Variants in LCORL observed in about 807,000 individuals in gnomAD.
The protein encoded by LCORL is ligand-dependent nuclear receptor corepressor-like protein.
A neutral mutation model predicts 141.8 loss-of-function variants in LCORL; 41 were observed. The observed-to-expected ratio is 0.29, with a 90% confidence interval of 0.23 to 0.38. The LOEUF is 0.38. Among genes scored for constraint, LCORL ranks in the 10% least tolerant of loss-of-function variants. The probability of loss-of-function intolerance (pLI) is 1.00; values close to 1 mark genes in which losing one functional copy is unlikely to be tolerated. For synonymous variants in LCORL, 618 were observed against 694.1 expected (o/e 0.89, Z 1.72); for missense variants, 1,759 against 2,035.0 (o/e 0.86, Z 2.61).
rs1553863446 is a variant in LCORL at position 17,897,213 on chromosome 4, C to CCTTTTTTTTTTTTTTTTTTTTTTT, written c.683-11053_683-11052insAAAAAAAAAAAAAAAAAAAAAAAG. 7.7e-4 allele frequency among the ~76,000 whole-genome samples: 49 copies of CCTTTTTTTTTTTTTTTTTTTTTTT among 63,986 alleles called. 24 individuals are homozygous for CCTTTTTTTTTTTTTTTTTTTTTTT. Among genetic ancestry groups the CCTTTTTTTTTTTTTTTTTTTTTTT allele is most frequent in the East Asian group, 2.0e-3 (4 of 2,040 alleles). The allele number at this position is 63,986 out of a possible 152,430, so 42.0% of individuals were successfully genotyped here. ...AGACTTCTCTTTGATATACTGATTT[C>CCTTTTTTTTTTTTTTTTTTTTTTT]TTTTTTTTTTTTTTTTTTTTTTTTT... On this transcript the variant is annotated intron_variant, in intron 5 of 7. Transcript: ENST00000635767.
At chr4:17,870,667 T>C (rs1368029504) in intron 7 of LCORL, among the ~76,000 whole-genome samples, 1 of 152,172 alleles carries the variant, frequency 6.6e-6, no homozygotes, top group Non-Finnish European at 1.5e-5. Flanking sequence ...ACTTAAAAAA[T>C]GAAATACATT....
Position 17,891,117 on chromosome 4 carries a change from CTATAGTGTACT to C in LCORL, c.683-4967_683-4957del, listed in dbSNP as rs1729007670. On this transcript the variant is annotated intron_variant, in intron 5 of 7. Coordinates refer to ENST00000635767, the Ensembl canonical transcript of LCORL. The stretch of plus-strand genomic sequence containing the variant: ...CTAATGTGTTTAAAACTCTATTTTT[CTATAGTGTACT>C]TAAAGTGTGCGAAGCATTTGCTACA... 9.2e-5 allele frequency among the ~76,000 whole-genome samples: 14 copies of C among 152,202 alleles called. No homozygotes were observed. In the South Asian group the frequency reaches 2.9e-3, roughly 32 times the overall value.
intron 1 of LCORL, among the ~76,000 whole-genome samples, chr4:17,991,381 C>T (rs572123595): frequency 6.6e-6 from 1 of 152,302 alleles, no homozygotes; most frequent in Admixed American, 6.5e-5. Context: ...TAAATGTTTA[C>T]CATACCTATT....
intron 6 of LCORL, chr4:17,883,926 C>T: frequency 6.4e-7 from 1 of 1,550,778 alleles, no homozygotes; most frequent in Non-Finnish European, 8.7e-7. Flanking sequence ...ATTACCATTG[C>T]AATAGCTTCT....
exon 7 of LCORL, chr4:17,874,451 T>C: frequency 8.1e-7 from 1 of 1,233,912 alleles, no homozygotes; most frequent in Non-Finnish European, 1.0e-6. Context: ...ACTGTGTTTC[T>C]GTTGTTTGCA....
At chr4:17,930,275 C>T (rs189720876) in intron 4 of LCORL, among the ~76,000 whole-genome samples, 44 of 152,224 alleles carry the variant, frequency 2.9e-4, no homozygotes, top group Admixed American at 1.3e-3. Context: ...GGCTGAGAAC[C>T]GAAGACTGCT....
intron 6 of LCORL, among the ~76,000 whole-genome samples, chr4:17,879,362 G>C (rs1727269380): frequency 1.3e-5 from 2 of 150,858 alleles, no homozygotes; most frequent in African/African-American, 4.8e-5. Context: ...TTAAACATGT[G>C]ATCAAAACTT....
chr4:18,011,339 T>G (rs181684141), intron 1 of LCORL, among the ~76,000 whole-genome samples: 1 of 152,170 alleles, frequency 6.6e-6, no homozygotes, highest in Admixed American at 6.5e-5. Context: ...CTTAAAACTA[T>G]TGCAAACAAA....
At chr4:18,018,536 G>A (rs978562425) in intron 1 of LCORL, among the ~76,000 whole-genome samples, 4 of 152,074 alleles carry the variant, frequency 2.6e-5, no homozygotes, top group African/African-American at 9.7e-5. Flanking sequence ...ATTAGAGGAA[G>A]GTAAATATCT....
At chr4:17,918,016 C>T (rs1298534039) in intron 4 of LCORL, among the ~76,000 whole-genome samples, 1 of 152,184 alleles carries the variant, frequency 6.6e-6, no homozygotes, top group African/African-American at 2.4e-5. Context: ...AGCCTTCCTC[C>T]TCAAGACACA....
chr4:17,972,860 A>G, exon 2 of LCORL: 3 of 1,437,600 alleles, frequency 2.1e-6, no homozygotes, highest in Non-Finnish European at 2.7e-6. Context: ...GTGGTCCATA[A>G]AGCCCTTCTA....
chr4:17,982,140 GTGTGTA>G (rs1212664826), intron 1 of LCORL, among the ~76,000 whole-genome samples: 13 of 135,138 alleles, frequency 9.6e-5, no homozygotes, highest in South Asian at 2.4e-4. Flanking sequence ...GTGTGTGTGT[GTGTGTA>G]TACAAGATAT....
At chr4:17,995,126 A>G (rs1456085451) in intron 1 of LCORL, among the ~76,000 whole-genome samples, 1 of 152,062 alleles carries the variant, frequency 6.6e-6, no homozygotes, top group Non-Finnish European at 1.5e-5. Context: ...TAAGAAAGAC[A>G]ACCCATTTTT....
At chr4:17,921,889 C>A (rs567307242) in intron 4 of LCORL, among the ~76,000 whole-genome samples, 47 of 152,156 alleles carry the variant, frequency 3.1e-4, no homozygotes, top group Non-Finnish European at 5.7e-4. Context: ...ATCCTTCTCT[C>A]GCGCTGGATG....
chr4:17,980,941 T>C (rs1252685655), intron 1 of LCORL, among the ~76,000 whole-genome samples: 3 of 152,196 alleles, frequency 2.0e-5, no homozygotes, highest in Admixed American at 6.5e-5. Flanking sequence ...ACCATGCCCC[T>C]GTCCATGGAA....
In LCORL at chr4:18,010,150, T is replaced by C. The variant is rs374457439; in HGVS notation, c.154+11448A>G. ...CCATGTAAACAGTGCTCTATTCTTT[T>C]ACACTAATTCCTTCTAAGTTTAAAA... On this transcript the variant is annotated intron_variant, in intron 1 of 7. Transcript: ENST00000635767. 3.3e-5 allele frequency among the ~76,000 whole-genome samples: 5 copies of C among 152,230 alleles called. No individual in the cohort carries two copies. The South Asian group carries it at 1.0e-3, about 31-fold the overall frequency.
intron 7 of LCORL, among the ~76,000 whole-genome samples, chr4:17,871,001 T>A (rs1726278146): frequency 6.6e-6 from 1 of 152,154 alleles, no homozygotes; most frequent in Non-Finnish European, 1.5e-5. Flanking sequence ...ATACACTGCC[T>A]TAGAAATTTT....
intron 5 of LCORL, among the ~76,000 whole-genome samples, chr4:17,891,376 CAT>C (rs1729056355): frequency 6.6e-6 from 1 of 151,994 alleles, no homozygotes; most frequent in South Asian, 2.1e-4. Context: ...ACGATGTAGC[CAT>C]ATGTCTTCAA....
chr4:17,953,406 C>A (rs1711868152), intron 4 of LCORL, among the ~76,000 whole-genome samples: 1 of 152,190 alleles, frequency 6.6e-6, no homozygotes, highest in African/African-American at 2.4e-5. Flanking sequence ...TCGCCTGCAT[C>A]TGTTCCCCTC....
Sources: allele counts gnomAD v4.1 joint callset (sites outside exome capture counted in the v4.1 genomes callset), GRCh38; gene constraint gnomAD v4.1.1; transcripts MANE v1.5; gene names NCBI Gene and HGNC (gene_info 2026-07-23, HGNC 2026-07-21).